The following CFAP92 variants were observed in gnomAD, a reference collection of about 807,000 sequenced individuals.
CFAP92 encodes the protein cilia and flagella associated protein 92 (putative).
Under a neutral mutation model 106.3 loss-of-function variants are expected in CFAP92, and 86 were observed. That is an observed-to-expected ratio of 0.81 (90% CI 0.68 to 0.97). The LOEUF is 0.97. Among genes scored for constraint, CFAP92 ranks in the 50% least tolerant of loss-of-function variants. CFAP92 has a pLI of 0.00. For missense variants in CFAP92, 1,204 were observed against 1,283.8 expected, an observed-to-expected ratio of 0.94 and a Z score of 0.95; for synonymous variants, 477 against 506.4, an observed-to-expected ratio of 0.94 and a Z score of 0.78.
chr3:128,983,762 C>T (rs978978040), intron 4 of CFAP92, among the ~76,000 whole-genome samples: 10 of 152,200 alleles, frequency 6.6e-5, no homozygotes, highest in African/African-American at 2.4e-4. Flanking sequence ...GGGAGAGCCA[C>T]GTGTCTGCAG....
intron 9 of CFAP92, among the ~76,000 whole-genome samples, chr3:128,957,750 GGA>G (rs1252031954): frequency 2.0e-5 from 3 of 152,182 alleles, no homozygotes; most frequent in African/African-American, 7.2e-5. Context: ...CTGGAGTGGG[GGA>G]GAAGGCCAGT....
At chr3:128,917,081 AAAG>A (rs1936876984) in intron 12 of CFAP92, among the ~76,000 whole-genome samples, 1 of 152,230 alleles carries the variant, frequency 6.6e-6, no homozygotes, top group Admixed American at 6.5e-5. Flanking sequence ...CACACACATG[AAAG>A]AACAGACTGT....
chr3:128,975,303 T>G (rs564293909), intron 7 of CFAP92, among the ~76,000 whole-genome samples: 2 of 152,316 alleles, frequency 1.3e-5, no homozygotes, highest in South Asian at 4.1e-4. Context: ...GAGATTTTCA[T>G]GTTCCCCATA....
chr3:128,912,633 C>T lies in CFAP92; in HGVS notation c.3281-2300G>A, dbSNP rs373417322. 2,023 of 1,582,752 alleles carry T rather than the reference C, an allele frequency of 1.3e-3. 38 individuals are homozygous for T. The South Asian group carries it at 0.02, about 16-fold the overall frequency. On this transcript the variant is annotated intron_variant, in intron 15 of 15. Coordinates refer to ENST00000645291, the MANE Select transcript of CFAP92 (RefSeq NM_001394090.1). ...GGCAGGGGACAGTGTCCCCTGCTAC[C>T]GCCCGCCCCTACCCATGGCCCGTTG...
At chr3:128,982,890 T>G (rs781035661) in intron 4 of CFAP92, among the ~76,000 whole-genome samples, 10 of 152,208 alleles carry the variant, frequency 6.6e-5, no homozygotes, top group Non-Finnish European at 1.3e-4. Context: ...ATGCAGTTCG[T>G]GGCACCTCCA....
chr3:128,972,403 A>T (rs1403285301), intron 7 of CFAP92, among the ~76,000 whole-genome samples: 1 of 151,888 alleles, frequency 6.6e-6, no homozygotes, highest in Admixed American at 6.6e-5. Flanking sequence ...TACCACGCCC[A>T]GCTAATTTTT....
rs576683042 is a variant in CFAP92, at chr3:128,987,216, G to C, written c.667+400C>G. Among the ~76,000 whole-genome samples, 10 of 152,250 alleles carry C rather than the reference G, an allele frequency of 6.6e-5. No individual in the cohort carries two copies. The South Asian group carries it at 2.1e-3, about 32-fold the overall frequency. On this transcript the variant is annotated intron_variant, in intron 4 of 15. Transcript: ENST00000645291. ...TATATTTACACAAATGAGTCTGGAA[G>C]AGTCTACATGAGACTCTTAAGACAA...
intron 10 of CFAP92, among the ~76,000 whole-genome samples, chr3:128,938,278 G>A (rs1246603642): frequency 6.6e-6 from 1 of 151,940 alleles, no homozygotes; most frequent in Non-Finnish European, 1.5e-5. Flanking sequence ...AAACGACAAA[G>A]TTAAAAGTTT....
chr3:128,932,695 C>G lies in CFAP92; in HGVS notation c.2751+5G>C. 6.6e-7 allele frequency: 1 copy of G among 1,526,314 alleles called. No homozygotes were observed. The highest frequency in any genetic ancestry group is 2.5e-5 in the East Asian group (1 of 40,804). The allele number at this position is 1,526,314 out of a possible 1,614,324, so 94.5% of individuals were successfully genotyped here. On this transcript the variant is annotated splice_donor_5th_base_variant and intron_variant, in intron 12 of 15. Coordinates refer to ENST00000645291, the MANE Select transcript of CFAP92 (RefSeq NM_001394090.1). ...AACCCCAAGTTGGGGAGGAAGGCGG[C>G]CCACCTGGATGAAACTGTGCTTTTT...
At chr3:128,963,133 G>A (rs942483662) in intron 9 of CFAP92, among the ~76,000 whole-genome samples, 42 of 152,190 alleles carry the variant, frequency 2.8e-4, no homozygotes, top group African/African-American at 8.9e-4. Flanking sequence ...TACCTATCTT[G>A]GCATAATTCT....
intron 12 of CFAP92, among the ~76,000 whole-genome samples, chr3:128,921,450 G>T (rs151292868): frequency 3.3e-4 from 51 of 152,358 alleles, no homozygotes; most frequent in African/African-American, 1.1e-3. Flanking sequence ...GACAGGGAAG[G>T]TTCAGTTAGC....
At chr3:128,975,430 TGG>T (rs1943084182) in intron 7 of CFAP92, among the ~76,000 whole-genome samples, 2 of 21,284 alleles carry the variant, frequency 9.4e-5, no homozygotes, top group Admixed American at 4.1e-4. Context: ...TGGATAGGGA[TGG>T]ATGGATGGAT....
At chr3:128,923,525 A>G (rs1172533687) in intron 12 of CFAP92, among the ~76,000 whole-genome samples, 7 of 152,234 alleles carry the variant, frequency 4.6e-5, no homozygotes, top group Non-Finnish European at 8.8e-5. Flanking sequence ...AAGAAGTTGC[A>G]GAAGATGGAC....
intron 9 of CFAP92, among the ~76,000 whole-genome samples, chr3:128,963,442 T>C (rs1213869266): frequency 6.6e-6 from 1 of 152,174 alleles, no homozygotes; most frequent in African/African-American, 2.4e-5. Context: ...ATTTTCTTCC[T>C]CATACCTGAC....
rs780374571 is a variant in CFAP92 at position 128,987,652 on chromosome 3, C to T, written c.631G>A (p.Gly211Ser). 6.2e-6 allele frequency: 10 copies of T among 1,613,984 alleles called. 1 individual carries two copies. The highest frequency in any genetic ancestry group is 5.5e-5 in the South Asian group (5 of 91,082). ...AAAGCTCCCACGTCGTCTGTGAAGC[C>T]GGCAGTCTTTAATCGGTAATATCTG... ...KVRYYRLKTA[G>S]FTDDVGAFHK... Residue 211 changes from glycine (G) to serine (S), a missense_variant, in exon 4 of 16, where the codon GGC (glycine) becomes AGC (serine). By Grantham distance (56) the Gly-to-Ser change is moderately conservative. Coordinates refer to ENST00000645291, the MANE Select transcript of CFAP92 (RefSeq NM_001394090.1).
Position 128,987,812 on chromosome 3 carries a change from G to A in CFAP92, c.471C>T (p.His157=), listed in dbSNP as rs373759445. Residue 157 remains histidine, a synonymous_variant, in exon 4 of 16, where the codon CAC becomes CAT. Coordinates refer to ENST00000645291, the MANE Select transcript of CFAP92 (RefSeq NM_001394090.1). ...ESGVKTVKPW[H]EGDKAWVSWE... is the part of the protein sequence containing the mutation. The stretch of plus-strand genomic sequence containing the variant: ...ACGACACCCAGGCTTTGTCACCTTC[G>A]TGCCACGGCTTCACAGTCTGTGTAA... 9.1e-5 allele frequency: 147 copies of A among 1,610,240 alleles called. No individual in the cohort carries two copies. The highest frequency in any genetic ancestry group is 2.0e-4 in the East Asian group (9 of 44,822).
the CFAP92 span, among the ~76,000 whole-genome samples, chr3:129,024,558 GA>G: frequency 1.3e-4 from 19 of 151,832 alleles, no homozygotes; most frequent in African/African-American, 4.3e-4. Context: ...AAAAGAAAAA[GA>G]AAAACAGAAA....
intron 8 of CFAP92, among the ~76,000 whole-genome samples, chr3:128,966,186 A>C (rs1465838301): frequency 6.6e-6 from 1 of 152,232 alleles, no homozygotes; most frequent in East Asian, 1.9e-4. Context: ...AATAAGATAT[A>C]AAATGCACTT....
At chr3:128,947,275 A>G (rs1940320814) in intron 9 of CFAP92, among the ~76,000 whole-genome samples, 1 of 152,234 alleles carries the variant, frequency 6.6e-6, no homozygotes, top group African/African-American at 2.4e-5. Flanking sequence ...TACTATATAC[A>G]TAGATTGGAA....
Sources: gnomAD v4.1 joint callset for allele counts (sites outside exome capture counted in the v4.1 genomes callset) on GRCh38, gnomAD v4.1.1 for gene constraint, MANE v1.5 for transcripts, NCBI Gene and HGNC (gene_info 2026-07-23, HGNC 2026-07-21) for gene names.